Variants in DDHD1 observed in about 807,000 individuals in gnomAD.
The protein encoded by DDHD1 is phospholipase DDHD1.
DDHD1 carries 49 observed loss-of-function variants against 96.4 expected under a neutral mutation model. The observed-to-expected ratio is 0.51, with a 90% confidence interval of 0.40 to 0.64. The LOEUF (loss-of-function observed/expected upper bound fraction) is 0.64, where lower values mean the gene tolerates loss of function less well. Among genes scored for constraint, DDHD1 ranks in the 30% least tolerant of loss-of-function variants. DDHD1 has a pLI of 0.00. For missense variants in DDHD1, 1,106 were observed against 1,161.2 expected (o/e 0.95, Z 0.69); for synonymous variants, 442 against 446.5 (o/e 0.99, Z 0.13).
At chr14:53,107,182 A>C (rs1435194394) in intron 1 of DDHD1, among the ~76,000 whole-genome samples, 2 of 152,204 alleles carry the variant, frequency 1.3e-5, no homozygotes, top group African/African-American at 4.8e-5. Flanking sequence ...ATTTATGATA[A>C]AGCTTACTTT....
At chr14:53,084,161 A>C (rs1427642828) in intron 4 of DDHD1, among the ~76,000 whole-genome samples, 2 of 152,188 alleles carry the variant, frequency 1.3e-5, no homozygotes, top group Admixed American at 6.5e-5. Flanking sequence ...AAAAGGACTT[A>C]TTCTTCTTGA....
intron 4 of DDHD1, among the ~76,000 whole-genome samples, chr14:53,089,727 GACCTA>G (rs1395529821): frequency 6.6e-6 from 1 of 152,120 alleles, no homozygotes; most frequent in Non-Finnish European, 1.5e-5. Flanking sequence ...TTAAATGTTA[GACCTA>G]AAACCATAAA....
chr14:53,051,834 T>C lies in DDHD1; in HGVS notation c.2521+10A>G. ...AGTATTCTGAATGCTATTCCTGACA[T>C]ATACCATACCGAGGGCATTATCTTT... On this transcript the variant is annotated intron_variant, in intron 12 of 12. Transcript: ENST00000673822. The C allele has an allele frequency of 9.0e-7, 1 of 1,105,570 alleles. No individual in the cohort carries two copies. The highest frequency in any genetic ancestry group is 1.2e-6 in the Non-Finnish European group (1 of 825,708). The allele number at this position is 1,105,570 out of a possible 1,614,324, so 68.5% of individuals were successfully genotyped here. A position where few individuals can be genotyped will look rare whatever the true frequency, so the allele number is the denominator to read the frequency against.
intron 6 of DDHD1, 114 bp from the exon 7 acceptor site, chr14:53,063,319 T>C (rs1883756849): frequency 2.4e-6 from 3 of 1,227,866 alleles, no homozygotes; most frequent in East Asian, 4.9e-5. Context: ...CAAATATACC[T>C]AGGTTATTAA....
At chr14:53,114,659 T>TAACA (rs943778516) in intron 1 of DDHD1, among the ~76,000 whole-genome samples, 1 of 152,042 alleles carries the variant, frequency 6.6e-6, no homozygotes, top group Non-Finnish European at 1.5e-5. Flanking sequence ...GAAGAAAAAC[T>TAACA]AACAAACAGA....
chr14:53,125,143 G>A (rs1460744157), intron 1 of DDHD1, among the ~76,000 whole-genome samples: 3 of 152,154 alleles, frequency 2.0e-5, no homozygotes, highest in Non-Finnish European at 4.4e-5. Flanking sequence ...ACAATCTGAG[G>A]TATCAGGGCA....
At chr14:53,138,030 C>T (rs1890362795) in intron 1 of DDHD1, among the ~76,000 whole-genome samples, 1 of 152,166 alleles carries the variant, frequency 6.6e-6, no homozygotes, top group South Asian at 2.1e-4. Flanking sequence ...ACAAAAATGT[C>T]CACCTAGGAT....
intron 6 of DDHD1, 47 bp from the exon 7 acceptor site, chr14:53,063,252 A>G: frequency 6.4e-7 from 1 of 1,567,834 alleles, no homozygotes. Context: ...GTCACTGACT[A>G]CTATACACTT....
chr14:53,093,309 C>G lies in DDHD1; in HGVS notation c.1141+7G>C. 6.2e-7 allele frequency: 1 copy of G among 1,604,834 alleles called. No individual in the cohort carries two copies. The highest frequency in any genetic ancestry group is 1.1e-5 in the South Asian group (1 of 88,124). ...TTTGATAAGCTCTAGTAATATTTAA[C>G]AATTACCTTTAGAAAATCCCAGTTT... is the stretch of plus-strand genomic sequence containing the variant. On this transcript the variant is annotated splice_region_variant and intron_variant, in intron 3 of 12. Transcript: ENST00000673822.
intron 4 of DDHD1, among the ~76,000 whole-genome samples, chr14:53,074,431 C>T (rs892415302): frequency 1.3e-4 from 19 of 151,586 alleles, no homozygotes; most frequent in Admixed American, 3.3e-4. Flanking sequence ...TATTTAAAAG[C>T]AAATCCTAGA....
chr14:53,080,835 G>A (rs1010228786), intron 4 of DDHD1, among the ~76,000 whole-genome samples: 1 of 150,584 alleles, frequency 6.6e-6, no homozygotes, highest in African/African-American at 2.4e-5. Flanking sequence ...GGGCTCAAGC[G>A]ATTCTCCTGC....
chr14:53,098,292 T>C (rs1887037302), intron 2 of DDHD1, among the ~76,000 whole-genome samples: 1 of 152,084 alleles, frequency 6.6e-6, no homozygotes, highest in Non-Finnish European at 1.5e-5. Context: ...TACATAGCAA[T>C]GAAAAAGATT....
In DDHD1 at chr14:53,076,017, C is replaced by T. The variant is rs147848659; in HGVS notation, c.1290-2170G>A. On this transcript the variant is annotated intron_variant, in intron 4 of 12. Coordinates refer to ENST00000673822, the MANE Select transcript of DDHD1 (RefSeq NM_001160148.2). Reference sequence around the variant, plus strand: ...ACTCAAGAGCTCTGATGGAGATGTACTAGGAGATGAATGTTGTTTTCATGC... The same window carrying T: ...ACTCAAGAGCTCTGATGGAGATGTATTAGGAGATGAATGTTGTTTTCATGC... Among the ~76,000 whole-genome samples the T allele has an allele frequency of 7.6e-4, 116 of 152,242 alleles. 4 individuals are homozygous for T. In the East Asian group the frequency reaches 0.017, roughly 22 times the overall value.
intron 1 of DDHD1, among the ~76,000 whole-genome samples, chr14:53,150,552 G>C (rs866319454): frequency 6.6e-6 from 1 of 152,198 alleles, no homozygotes; most frequent in Non-Finnish European, 1.5e-5. Context: ...AAAACCAAGA[G>C]AGCACACAGT....
At chr14:53,128,872 C>T (rs1889656591) in intron 1 of DDHD1, among the ~76,000 whole-genome samples, 1 of 152,202 alleles carries the variant, frequency 6.6e-6, no homozygotes, top group African/African-American at 2.4e-5. Context: ...GTTCCTGCCC[C>T]ACCCTAACTG....
chr14:53,129,991 ATCTT>A (rs1228952635), intron 1 of DDHD1, among the ~76,000 whole-genome samples: 1 of 152,030 alleles, frequency 6.6e-6, no homozygotes, highest in Non-Finnish European at 1.5e-5. Context: ...CTCGTCGCAA[ATCTT>A]TCTTCTTTCT....
intron 1 of DDHD1, among the ~76,000 whole-genome samples, chr14:53,125,677 C>A (rs1363571007): frequency 6.6e-6 from 1 of 151,832 alleles, no homozygotes; most frequent in African/African-American, 2.4e-5. Flanking sequence ...GTCAGAATCA[C>A]CTGAGGAATT....
chr14:53,046,884 C>A lies in DDHD1; in HGVS notation c.2587G>T (p.Ala863Ser). The change falls in exon 13 of 13, where the codon GCT becomes TCT. Residue 863 changes from alanine (A) to serine (S), a missense_variant. By Grantham distance (99) the Ala-to-Ser change is moderately conservative. This residue lies in a region of DDHD1 where 650 missense variants were observed against 758.8 expected (regional missense o/e 0.86). Transcript: ENST00000673822. ...CAATAGGCAGTATGCGACGTGACAG[C>A]TGACCAATAGCGGCTCTCCACAAGG... is the stretch of plus-strand genomic sequence containing the variant. ...EGLVESRYWS[A>S]VTSHTAYWSS... 1 of 1,613,744 alleles carries A rather than the reference C, an allele frequency of 6.2e-7. No homozygotes were observed. The highest frequency in any genetic ancestry group is 8.5e-7 in the Non-Finnish European group (1 of 1,179,792).
chr14:53,075,198 T>C (rs1379362579), intron 4 of DDHD1, among the ~76,000 whole-genome samples: 1 of 151,814 alleles, frequency 6.6e-6, no homozygotes, highest in Non-Finnish European at 1.5e-5. Flanking sequence ...GAGAGAGGCA[T>C]GTCAAAAGCC....
Sources: allele counts gnomAD v4.1 joint callset (sites outside exome capture counted in the v4.1 genomes callset), GRCh38; gene constraint gnomAD v4.1.1; regional missense constraint gnomAD v4.1.1; transcripts MANE v1.5; gene names NCBI Gene and HGNC (gene_info 2026-07-23, HGNC 2026-07-21).